NUP155: variants seen among roughly 807,000 people sequenced by gnomAD.
The protein encoded by NUP155 is nuclear pore complex protein Nup155.
In NUP155, 71 loss-of-function variants were observed where a neutral mutation model predicts 180.4. The ratio of observed to expected loss-of-function variants is 0.39; its 90% CI spans 0.33 to 0.48. The LOEUF is 0.48. NUP155 is among the 20% of genes least tolerant of loss of function. The pLI is 0.91. For synonymous variants in NUP155, 582 were observed against 559.5 expected (o/e 1.04, Z -0.57); for missense variants, 1,553 against 1,648.9 (o/e 0.94, Z 1.01).
At chr5:37,329,070 C>A (rs1167766874) in intron 16 of NUP155, 120 bp downstream of exon 16, 8 of 732,542 alleles carry the variant, frequency 1.1e-5, no homozygotes, top group Non-Finnish European at 1.9e-5. Flanking sequence ...TAGATGTATT[C>A]ATCAATTATA....
At chr5:37,349,082 T>G in intron 8 of NUP155, 90 bp downstream of exon 8, 1 of 375,100 alleles carries the variant, frequency 2.7e-6, no homozygotes, top group Non-Finnish European at 4.9e-6. Context: ...AGTTACACAG[T>G]TCATAGGAAA....
intron 27 of NUP155, among the ~76,000 whole-genome samples, chr5:37,303,621 G>A (rs1231026748): frequency 1.3e-5 from 2 of 152,150 alleles, no homozygotes; most frequent in African/African-American, 4.8e-5. Flanking sequence ...TAGCATAAGA[G>A]TTTCCAAAAC....
In NUP155 at chr5:37,295,822, T is replaced by G. The variant is rs1216049411; in HGVS notation, c.3794-1357A>C. On this transcript the variant is annotated intron_variant, in intron 32 of 34. Transcript: ENST00000231498. ...GCCCCTCCGCCCAGCAGCCGCCCCG[T>G]CTGAGAAGTGAGGAGCCCCTCCGCC... Among the ~76,000 whole-genome samples the G allele has an allele frequency of 2.5e-4, 38 of 149,748 alleles. 1 individual carries two copies. In the South Asian group the frequency reaches 7.4e-3, roughly 29 times the overall value.
At position 37,350,284 on chromosome 5, in the gene NUP155, A is replaced by C. The variant is rs1411940747; in HGVS notation, c.724-19T>G. On this transcript the variant is annotated intron_variant, in intron 6 of 34. Coordinates refer to ENST00000231498, the MANE Select transcript of NUP155 (RefSeq NM_153485.3). ...CTTCAGCCTTAAAGAAAAAAGTAGAAAGACGACTTATAAAAGTATGTAACT... is the reference window on the plus strand; with the variant it reads ...CTTCAGCCTTAAAGAAAAAAGTAGACAGACGACTTATAAAAGTATGTAACT... The C allele has an allele frequency of 6.5e-7, 1 of 1,536,890 alleles. No individual in the cohort carries two copies. The highest frequency in any genetic ancestry group is 1.1e-5 in the South Asian group (1 of 89,442).
chr5:37,321,205 G>C (rs990320916), intron 20 of NUP155, among the ~76,000 whole-genome samples: 1 of 152,116 alleles, frequency 6.6e-6, no homozygotes, highest in Non-Finnish European at 1.5e-5. Flanking sequence ...AATTAGCCAG[G>C]CATGGTGGTG....
rs1747406517 is a variant in NUP155 at position 37,364,298 on chromosome 5, T to C, written c.244A>G (p.Ser82Gly). Residue 82 changes from serine to glycine, a missense_variant, in exon 2 of 35, where the codon AGT (serine) becomes GGT (glycine). Transcript: ENST00000231498. ...GGGAGAGGAACTCTTCGGATGGAAC[T>C]GATCTCTGGAAGGTTGGGTACGGAC... Reference protein sequence around the residue: ...LLSVPNLPEISSIRRVPLPPE... With the variant: ...LLSVPNLPEIGSIRRVPLPPE... 5 of 1,612,836 alleles carry C rather than the reference T, an allele frequency of 3.1e-6. No individual in the cohort carries two copies. The highest frequency in any genetic ancestry group is 4.2e-6 in the Non-Finnish European group (5 of 1,178,830).
At chr5:37,333,166 C>A (rs1190197698) in intron 13 of NUP155, among the ~76,000 whole-genome samples, 1 of 151,152 alleles carries the variant, frequency 6.6e-6, no homozygotes, top group East Asian at 2.0e-4. Flanking sequence ...ACCAGCCTGG[C>A]CAACATGGTG....
At chr5:37,339,970 C>T (rs969075806) in intron 11 of NUP155, among the ~76,000 whole-genome samples, 1 of 152,110 alleles carries the variant, frequency 6.6e-6, no homozygotes, top group African/African-American at 2.4e-5. Flanking sequence ...CCATGTTGGC[C>T]AGGCTGGTCT....
intron 20 of NUP155, among the ~76,000 whole-genome samples, chr5:37,322,369 T>G (rs1431691027): frequency 6.6e-6 from 1 of 152,186 alleles, no homozygotes; most frequent in East Asian, 1.9e-4. Context: ...GCCATGTGAT[T>G]ATTATTTTTC....
chr5:37,302,632 A>G, intron 29 of NUP155, 147 bp downstream of exon 29: 1 of 784,614 alleles, frequency 1.3e-6, no homozygotes. Context: ...ATTTATATCT[A>G]AACATAAAAA....
intron 9 of NUP155, among the ~76,000 whole-genome samples, chr5:37,343,077 CTTTT>C (rs1745843934): frequency 6.8e-6 from 1 of 148,030 alleles, no homozygotes; most frequent in Admixed American, 6.8e-5. Context: ...TTTTTTTTTT[CTTTT>C]TTCTTTTTTT....
intron 3 of NUP155, among the ~76,000 whole-genome samples, chr5:37,361,724 T>A (rs992695171): frequency 6.6e-5 from 10 of 152,206 alleles, no homozygotes; most frequent in African/African-American, 2.4e-4. Flanking sequence ...TTTACAAAAT[T>A]GAATTTGTGG....
At chr5:37,357,924 C>T (rs749973009) in intron 4 of NUP155, among the ~76,000 whole-genome samples, 157 bp downstream of exon 4, 3 of 151,970 alleles carry the variant, frequency 2.0e-5, no homozygotes, top group Admixed American at 6.6e-5. Context: ...ACCCAGGAGG[C>T]GGAGATTGCA....
chr5:37,370,982 G>A lies in NUP155; in HGVS notation c.-5C>T, dbSNP rs1056412506. 1.2e-5 allele frequency: 19 copies of A among 1,613,484 alleles called. No homozygotes were observed. Among genetic ancestry groups the A allele is most frequent in the Non-Finnish European group, 1.5e-5 (18 of 1,179,948 alleles). On this transcript the variant is annotated 5_prime_UTR_variant, in exon 1 of 35. Coordinates refer to ENST00000231498, the MANE Select transcript of NUP155 (RefSeq NM_153485.3). Reference sequence around the variant, plus strand: ...GCCCAACAAAGAAGACGGCATCTCGGAAATCGTAGACACCAGGGTCCAGAA... The same window carrying A: ...GCCCAACAAAGAAGACGGCATCTCGAAAATCGTAGACACCAGGGTCCAGAA...
intron 1 of NUP155, among the ~76,000 whole-genome samples, chr5:37,370,387 T>C (rs57574793): frequency 0.05 from 7,353 of 148,542 alleles, 199 homozygotes; most frequent in South Asian, 0.077. Flanking sequence ...AATAAACAAA[T>C]AAATATAAAG....
chr5:37,294,591 CG>C (rs1398484663), intron 32 of NUP155, 126 bp from the exon 33 acceptor site: 33 of 937,350 alleles, frequency 3.5e-5, no homozygotes, highest in South Asian at 5.9e-5. Context: ...TTTTTTGGGG[CG>C]GGGGGTTTTT....
intron 3 of NUP155, among the ~76,000 whole-genome samples, chr5:37,358,635 T>C (rs937671397): frequency 1.3e-5 from 2 of 152,182 alleles, no homozygotes; most frequent in Non-Finnish European, 2.9e-5. Context: ...TTTGTATTTT[T>C]TGTAGAGACA....
chr5:37,342,490 A>C lies in NUP155; in HGVS notation c.1093+59T>G, dbSNP rs565277533. The C allele has an allele frequency of 3.8e-6, 4 of 1,050,184 alleles. No individual in the cohort carries two copies. In the South Asian group the frequency reaches 5.4e-5, roughly 14 times the overall value. 65.1% of individuals were successfully genotyped at this position (1,050,184 alleles called of 1,614,324 possible). ...TATATTTCTAATAATAAATTTCCAA[A>C]TCTAAGAATTTTCAGAAGTTGTAAC... On this transcript the variant is annotated intron_variant, in intron 10 of 34. Coordinates refer to ENST00000231498, the MANE Select transcript of NUP155 (RefSeq NM_153485.3).
In NUP155 at chr5:37,330,243, T is replaced by G. The variant is rs189316850; in HGVS notation, c.1630-111A>C. ...TATCTAGCACAGAGCAGGCATTCAA[T>G]AAATACTTGCTGACTGAATGAAATC... On this transcript the variant is annotated intron_variant, in intron 14 of 34. Transcript: ENST00000231498. The G allele has an allele frequency of 2.0e-4, 150 of 750,220 alleles. No individual in the cohort carries two copies. The East Asian group carries it at 3.3e-3, about 16-fold the overall frequency. 46.5% of individuals were successfully genotyped at this position (750,220 alleles called of 1,614,324 possible).
Sources: allele counts gnomAD v4.1 joint callset (sites outside exome capture counted in the v4.1 genomes callset), GRCh38; gene constraint gnomAD v4.1.1; transcripts MANE v1.5; gene names NCBI Gene and HGNC (gene_info 2026-07-23, HGNC 2026-07-21).